NIPAL2: variants seen among roughly 807,000 people sequenced by gnomAD.
NIPAL2 encodes the protein NIPA-like protein 2.
A neutral mutation model predicts 48.9 loss-of-function variants in NIPAL2; 43 were observed. The observed-to-expected ratio is 0.88, with a 90% CI of 0.69 to 1.13. NIPAL2 has a LOEUF of 1.13. Ranked by LOEUF, NIPAL2 falls within the 50% of genes most tolerant of loss-of-function variation. The pLI is 0.00. For synonymous variants in NIPAL2, 167 were observed against 174.6 expected (o/e 0.96, Z 0.34); for missense variants, 446 against 461.4 (o/e 0.97, Z 0.31).
intron 5 of NIPAL2, among the ~76,000 whole-genome samples, chr8:98,218,402 G>A (rs1811677191): frequency 6.6e-6 from 1 of 152,176 alleles, no homozygotes; most frequent in Admixed American, 6.5e-5. Context: ...AAAGAACTGA[G>A]TGTGGCATAA....
intron 2 of NIPAL2, among the ~76,000 whole-genome samples, chr8:98,253,297 A>T (rs1813692115): frequency 6.6e-6 from 1 of 152,186 alleles, no homozygotes; most frequent in Non-Finnish European, 1.5e-5. Flanking sequence ...CTTGCAATGC[A>T]TTCCCTGAGG....
At position 98,229,718 on chromosome 8, in the gene NIPAL2, G is replaced by A. The variant is rs116665057; in HGVS notation, c.436+6437C>T. Among the ~76,000 whole-genome samples the A allele has an allele frequency of 9.9e-3, 1,504 of 152,202 alleles. 24 individuals carry two copies. The highest frequency in any genetic ancestry group is 0.034 in the African/African-American group (1,401 of 41,502). On this transcript the variant is annotated intron_variant, in intron 4 of 10. Coordinates refer to ENST00000430223, the MANE Select transcript of NIPAL2 (RefSeq NM_001321635.2). ...TAGGTGATGTTCTTAAAATTATTGA[G>A]TTCATAGACATGTATGGCTGACATG...
At chr8:98,278,569 G>C (rs1444786518) in intron 1 of NIPAL2, among the ~76,000 whole-genome samples, 1 of 152,022 alleles carries the variant, frequency 6.6e-6, no homozygotes, top group Non-Finnish European at 1.5e-5. Context: ...CTTCTGAATT[G>C]AGTCTTACAT....
chr8:98,283,058 C>A (rs1207783954), intron 1 of NIPAL2, among the ~76,000 whole-genome samples: 2 of 152,206 alleles, frequency 1.3e-5, no homozygotes, highest in Non-Finnish European at 2.9e-5. Flanking sequence ...ATTCTACAAG[C>A]TGTTTCATGC....
intron 1 of NIPAL2, among the ~76,000 whole-genome samples, chr8:98,291,303 C>T (rs1045426478): frequency 6.6e-6 from 1 of 152,206 alleles, no homozygotes; most frequent in Non-Finnish European, 1.5e-5. Context: ...AGGCACCAGT[C>T]CTGGCCATGA....
rs924990222 is a variant in NIPAL2 at position 98,293,966 on chromosome 8, C to G, written c.135+37G>C. 15 of 1,397,364 alleles carry G rather than the reference C, an allele frequency of 1.1e-5. No individual in the cohort carries two copies. In the African/African-American group the frequency reaches 1.8e-4, roughly 17 times the overall value. 86.6% of individuals were successfully genotyped at this position (1,397,364 alleles called of 1,614,324 possible). ...CCGGAGCCAGCCGCCCTGGCCGCGT[C>G]CCCACCGGGCTGCGGTGGCTGCGGG... On this transcript the variant is annotated intron_variant, in intron 1 of 10. Coordinates refer to ENST00000430223, the MANE Select transcript of NIPAL2 (RefSeq NM_001321635.2).
intron 3 of NIPAL2, chr8:98,251,625 G>C (rs1263887820): frequency 6.6e-6 from 1 of 152,072 alleles, no homozygotes; most frequent in Non-Finnish European, 1.5e-5. Flanking sequence ...AATTCTCTTC[G>C]AATCTACATC....
intron 1 of NIPAL2, among the ~76,000 whole-genome samples, chr8:98,289,001 A>G (rs943165806): frequency 6.6e-6 from 1 of 152,180 alleles, no homozygotes; most frequent in Non-Finnish European, 1.5e-5. Flanking sequence ...CCCAAATACT[A>G]TAGTAAATGG....
rs150003832 is a variant in NIPAL2 at position 98,195,168 on chromosome 8, T to C, written c.945-346A>G. Among the ~76,000 whole-genome samples the C allele has an allele frequency of 1.6e-4, 24 of 152,354 alleles. No homozygotes were observed. The East Asian group carries it at 4.2e-3, about 27-fold the overall frequency. The stretch of plus-strand genomic sequence containing the variant: ...AGAAAAAATAATTTATTCTTTAATT[T>C]TCTAAGAAATCTAGTTTTCCTTGGC... On this transcript the variant is annotated intron_variant, in intron 9 of 10. Coordinates refer to ENST00000430223, the MANE Select transcript of NIPAL2 (RefSeq NM_001321635.2).
chr8:98,212,311 G>A (rs1811356660), intron 6 of NIPAL2, 94 bp downstream of exon 6: 1 of 634,744 alleles, frequency 1.6e-6, no homozygotes, highest in Admixed American at 2.5e-5. Context: ...TAAACCATGA[G>A]AAAGGAGTAG....
intron 1 of NIPAL2, among the ~76,000 whole-genome samples, chr8:98,281,626 C>A (rs1041425756): frequency 1.3e-5 from 2 of 151,992 alleles, no homozygotes; most frequent in Non-Finnish European, 2.9e-5. Flanking sequence ...CTAATAGGCA[C>A]CCACAAAAAT....
intron 1 of NIPAL2, among the ~76,000 whole-genome samples, chr8:98,280,761 T>TATATATATATATATATATATAG: frequency 2.0e-4 from 6 of 30,026 alleles, no homozygotes; most frequent in Admixed American, 4.5e-4. Flanking sequence ...TATATATATA[T>TATATATATATATATATATATAG]AGAGAGAGAG....
intron 1 of NIPAL2, among the ~76,000 whole-genome samples, chr8:98,272,071 A>T (rs762075929): frequency 2.6e-5 from 4 of 152,064 alleles, no homozygotes; most frequent in Non-Finnish European, 5.9e-5. Context: ...AATTAATTTT[A>T]TGGTGTGCTG....
chr8:98,275,315 C>T (rs1348170212), intron 1 of NIPAL2, among the ~76,000 whole-genome samples: 1 of 152,216 alleles, frequency 6.6e-6, no homozygotes, highest in African/African-American at 2.4e-5. Flanking sequence ...ATCCATTCTC[C>T]ATTTCTATGT....
At chr8:98,238,227 A>G (rs1812814151) in intron 3 of NIPAL2, among the ~76,000 whole-genome samples, 1 of 152,230 alleles carries the variant, frequency 6.6e-6, no homozygotes. Context: ...AACATAATAT[A>G]TGCTGTAAAT....
intron 1 of NIPAL2, among the ~76,000 whole-genome samples, chr8:98,288,897 C>T (rs1013733302): frequency 6.6e-6 from 1 of 152,218 alleles, no homozygotes; most frequent in Non-Finnish European, 1.5e-5. Flanking sequence ...CCTCCCATCA[C>T]AACCCTCTCT....
chr8:98,194,024 G>A (rs1007941149), intron 10 of NIPAL2, among the ~76,000 whole-genome samples: 3 of 152,128 alleles, frequency 2.0e-5, no homozygotes, highest in African/African-American at 7.2e-5. Flanking sequence ...CACAGGCATG[G>A]TGCTAACAGA....
chr8:98,226,139 T>C (rs1463220143), intron 4 of NIPAL2, among the ~76,000 whole-genome samples: 1 of 152,148 alleles, frequency 6.6e-6, no homozygotes, highest in Non-Finnish European at 1.5e-5. Context: ...TTGCATTTAT[T>C]TGAGTTTCCT....
rs558465867 is a variant in NIPAL2 at position 98,287,106 on chromosome 8, G to GA, written c.135+6896dup. Among the ~76,000 whole-genome samples the GA allele has an allele frequency of 3.8e-3, 578 of 150,196 alleles. 4 individuals carry two copies. Among genetic ancestry groups the GA allele is most frequent in the Non-Finnish European group, 4.7e-3 (319 of 67,450 alleles). On this transcript the variant is annotated intron_variant, in intron 1 of 10. Transcript: ENST00000430223. ...GAATAGAGGAATATCGGTCTTTCAG[G>GA]AAAAAAAAACAAGCTAAAATAAATG...
Sources: allele counts gnomAD v4.1 joint callset (sites outside exome capture counted in the v4.1 genomes callset), GRCh38; gene constraint gnomAD v4.1.1; transcripts MANE v1.5; gene names NCBI Gene and HGNC (gene_info 2026-07-23, HGNC 2026-07-21).